The following LINGO2 variants were observed in gnomAD, a reference collection of about 807,000 sequenced individuals.
LINGO2 encodes the protein leucine-rich repeat and immunoglobulin-like domain-containing nogo receptor-interacting protein 2.
Under a neutral mutation model 30.6 loss-of-function variants are expected in LINGO2, and 14 were observed. The ratio of observed to expected loss-of-function variants is 0.46; its 90% CI spans 0.30 to 0.72. The LOEUF is 0.72. Among genes scored for constraint, LINGO2 ranks in the 30% least tolerant of loss-of-function variants. LINGO2 has a pLI of 0.07. For missense variants in LINGO2, 729 were observed against 751.7 expected, an observed-to-expected ratio of 0.97 and a Z score of 0.35; for synonymous variants, 317 against 288.5, an observed-to-expected ratio of 1.10 and a Z score of -1.00.
the LINGO2 span, among the ~76,000 whole-genome samples, chr9:28,899,810 C>T: frequency 1.3e-5 from 2 of 152,174 alleles, no homozygotes; most frequent in Non-Finnish European, 2.9e-5. Flanking sequence ...CTGCTCAGGG[C>T]CAGGCTGTTC....
At chr9:28,280,489 T>C (rs1722464832) in intron 4 of LINGO2, among the ~76,000 whole-genome samples, 1 of 152,164 alleles carries the variant, frequency 6.6e-6, no homozygotes, top group Non-Finnish European at 1.5e-5. Context: ...ACATTTCAAA[T>C]ATCTATGAAG....
intron 1 of LINGO2, among the ~76,000 whole-genome samples, chr9:28,486,120 G>T (rs1826155092): frequency 6.6e-6 from 1 of 152,106 alleles, no homozygotes; most frequent in Non-Finnish European, 1.5e-5. Flanking sequence ...GTATGGATGA[G>T]GAGAGCTGAG....
the LINGO2 span, among the ~76,000 whole-genome samples, chr9:29,021,071 C>T: frequency 2.4e-4 from 37 of 152,096 alleles, no homozygotes; most frequent in Non-Finnish European, 1.3e-4. Context: ...AAATCAGAAA[C>T]GATTACTGTA....
chr9:28,241,267 CA>C (rs1164724626), intron 4 of LINGO2, among the ~76,000 whole-genome samples: 55 of 83,584 alleles, frequency 6.6e-4, no homozygotes, highest in East Asian at 2.2e-3. Context: ...GACCCTGTCT[CA>C]AAAAAAAAAA....
the LINGO2 span, among the ~76,000 whole-genome samples, chr9:29,097,838 G>A: frequency 1.4e-5 from 2 of 138,524 alleles, no homozygotes; most frequent in African/African-American, 5.4e-5. Context: ...TAGCTAATCT[G>A]ATTTACGAGG....
chr9:28,430,458 C>G (rs575716210), intron 2 of LINGO2, among the ~76,000 whole-genome samples: 37 of 152,122 alleles, frequency 2.4e-4, no homozygotes, highest in African/African-American at 8.2e-4. Context: ...CTTCTATGAG[C>G]CTTTGTTCAC....
At chr9:28,652,385 A>C (rs1271071701) in intron 1 of LINGO2, among the ~76,000 whole-genome samples, 1 of 152,170 alleles carries the variant, frequency 6.6e-6, no homozygotes. Flanking sequence ...ATACTGCTTA[A>C]TCCCACTTTA....
At chr9:29,160,060 C>T in the LINGO2 span, among the ~76,000 whole-genome samples, 1 of 152,138 alleles carries the variant, frequency 6.6e-6, no homozygotes, top group African/African-American at 2.4e-5. Context: ...GAATAGTTTT[C>T]AATCTTTATA....
chr9:28,554,247 G>A (rs976986685), intron 1 of LINGO2, among the ~76,000 whole-genome samples: 37 of 151,248 alleles, frequency 2.4e-4, no homozygotes, highest in African/African-American at 8.8e-4. Context: ...CTGTATTCAG[G>A]AAACCCATCT....
At chr9:29,055,940 G>GTATATATATATA in the LINGO2 span, among the ~76,000 whole-genome samples, 5 of 120,014 alleles carry the variant, frequency 4.2e-5, no homozygotes, top group East Asian at 1.4e-3. Context: ...ATGTGTGTGT[G>GTATATATATATA]TATATATACA....
At chr9:27,966,311 C>G (rs1305849383) in intron 5 of LINGO2, among the ~76,000 whole-genome samples, 2 of 152,076 alleles carry the variant, frequency 1.3e-5, no homozygotes, top group East Asian at 3.9e-4. Context: ...TAAGAAGTTA[C>G]TTAAGTTCCT....
chr9:28,128,501 G>A (rs1227943607), intron 4 of LINGO2, among the ~76,000 whole-genome samples: 1 of 152,094 alleles, frequency 6.6e-6, no homozygotes, highest in Admixed American at 6.5e-5. Context: ...AATTTCCCAC[G>A]CATGATACCA....
chr9:29,136,188 G>A, the LINGO2 span, among the ~76,000 whole-genome samples: 2 of 152,062 alleles, frequency 1.3e-5, no homozygotes, highest in Admixed American at 6.6e-5. Flanking sequence ...GGAAATTTGG[G>A]TAGACAGGCA....
chr9:28,425,083 G>C (rs986152380), intron 2 of LINGO2, among the ~76,000 whole-genome samples: 2 of 151,710 alleles, frequency 1.3e-5, no homozygotes, highest in African/African-American at 4.8e-5. Flanking sequence ...CAGGGCCCTA[G>C]TGTTTTTGAT....
intron 4 of LINGO2, among the ~76,000 whole-genome samples, chr9:28,023,761 A>C (rs141510253): frequency 6.6e-6 from 1 of 152,252 alleles, no homozygotes; most frequent in Middle Eastern, 3.4e-3. Flanking sequence ...CCAAGAAGAG[A>C]TCTTTCCTGG....
chr9:28,800,794 T>C, the LINGO2 span, among the ~76,000 whole-genome samples: 1 of 152,020 alleles, frequency 6.6e-6, no homozygotes, highest in Non-Finnish European at 1.5e-5. Context: ...ATAGAGACAA[T>C]AATACACTGG....
At chr9:28,655,565 T>A (rs1017608364) in intron 1 of LINGO2, among the ~76,000 whole-genome samples, 1 of 151,998 alleles carries the variant, frequency 6.6e-6, no homozygotes, top group Non-Finnish European at 1.5e-5. Flanking sequence ...AGATTTTGTA[T>A]CCTCACCCAA....
At chr9:29,073,361 A>G in the LINGO2 span, among the ~76,000 whole-genome samples, 4 of 152,120 alleles carry the variant, frequency 2.6e-5, no homozygotes, top group African/African-American at 7.2e-5. Flanking sequence ...ATGGGGGAAA[A>G]AAACAGGTAC....
the LINGO2 span, among the ~76,000 whole-genome samples, chr9:28,774,116 G>A: frequency 1.3e-5 from 2 of 150,692 alleles, no homozygotes; most frequent in African/African-American, 4.9e-5. Flanking sequence ...GTAAAGGCAA[G>A]ATTTAAAACA....
Sources: gnomAD v4.1 joint callset for allele counts (sites outside exome capture counted in the v4.1 genomes callset) on GRCh38, gnomAD v4.1.1 for gene constraint, MANE v1.5 for transcripts, NCBI Gene and HGNC (gene_info 2026-07-23, HGNC 2026-07-21) for gene names.